Variants in ATF3 observed in about 807,000 individuals in gnomAD.
ATF3 encodes cyclic AMP-dependent transcription factor ATF-3.
Under a neutral mutation model 18.4 loss-of-function variants are expected in ATF3, and 10 were observed. The ratio of observed to expected loss-of-function variants is 0.54; its 90% CI spans 0.34 to 0.92. The LOEUF is 0.92. Among genes scored for constraint, ATF3 ranks in the 40% least tolerant of loss-of-function variants. The probability of loss-of-function intolerance (pLI) is 0.02; values close to 1 mark genes in which losing one functional copy is unlikely to be tolerated. For synonymous variants in ATF3, 78 were observed against 87.9 expected (o/e 0.89, Z 0.63); for missense variants, 183 against 222.3 (o/e 0.82, Z 1.12).
At chr1:212,584,627 G>A (rs1664745252) in intron 1 of ATF3, among the ~76,000 whole-genome samples, 1 of 152,188 alleles carries the variant, frequency 6.6e-6, no homozygotes, top group East Asian at 1.9e-4. Flanking sequence ...TGATCCATCA[G>A]TTTAAATGCT....
chr1:212,572,535 C>G lies in ATF3; in HGVS notation c.-5+7052C>G, dbSNP rs535122319. Among the ~76,000 whole-genome samples the G allele has an allele frequency of 1.5e-4, 23 of 152,126 alleles. No individual in the cohort carries two copies. In the East Asian group the frequency reaches 4.4e-3, roughly 29 times the overall value. ...ATTCAGTCTCAAAAACCAAACAAAACAAAAAACATTTTATTTGCTGTTCAT... is the reference window on the plus strand; with the variant it reads ...ATTCAGTCTCAAAAACCAAACAAAAGAAAAAACATTTTATTTGCTGTTCAT... On this transcript the variant is annotated intron_variant, in intron 1 of 3. Transcript: ENST00000366981.
chr1:212,585,704 A>G (rs187392815), intron 1 of ATF3, among the ~76,000 whole-genome samples: 5 of 152,226 alleles, frequency 3.3e-5, no homozygotes, highest in Non-Finnish European at 7.4e-5. Flanking sequence ...CTTCAGATAA[A>G]CTCAGCCAAA....
intron 1 of ATF3, among the ~76,000 whole-genome samples, chr1:212,597,320 C>T (rs1654312903): frequency 6.6e-6 from 1 of 152,108 alleles, no homozygotes; most frequent in Non-Finnish European, 1.5e-5. Context: ...CGCTTATAAT[C>T]ACAAAATTGA....
At chr1:212,616,956 C>T (rs967920933) in intron 2 of ATF3, among the ~76,000 whole-genome samples, 1 of 152,014 alleles carries the variant, frequency 6.6e-6, no homozygotes, top group Non-Finnish European at 1.5e-5. Flanking sequence ...ATTCTGCAGA[C>T]CCCTGTGGAG....
chr1:212,617,136 C>G (rs1655162076), intron 2 of ATF3, among the ~76,000 whole-genome samples: 1 of 152,184 alleles, frequency 6.6e-6, no homozygotes, highest in African/African-American at 2.4e-5. Context: ...GTGGTGGTCC[C>G]TGTTTTTATC....
At chr1:212,603,776 A>G (rs34975457), upstream of ATF3, among the ~76,000 whole-genome samples, 6,439 of 149,568 alleles carry the variant, frequency 0.043, 461 homozygotes, top group Admixed American at 0.2. Flanking sequence ...GTGTATATAT[A>G]TGTGTGTGTG....
chr1:212,600,996 T>C (rs1309502258), intron 1 of ATF3, among the ~76,000 whole-genome samples: 1 of 152,224 alleles, frequency 6.6e-6, no homozygotes, highest in Non-Finnish European at 1.5e-5. Context: ...GCTCTTATAT[T>C]GTCCTTGTAA....
intron 1 of ATF3, among the ~76,000 whole-genome samples, chr1:212,572,296 C>T (rs2102620700): frequency 6.6e-6 from 1 of 152,020 alleles, no homozygotes; most frequent in Middle Eastern, 3.4e-3. Flanking sequence ...GCGGGCGGAT[C>T]CCCTGAGGTA....
intron 1 of ATF3, among the ~76,000 whole-genome samples, chr1:212,588,207 C>T (rs1356340933): frequency 1.3e-5 from 2 of 152,186 alleles, no homozygotes; most frequent in African/African-American, 2.4e-5. Context: ...AGGAGACTCC[C>T]GGCAGGGTGT....
At chr1:212,590,868 G>A (rs1256602590) in intron 1 of ATF3, among the ~76,000 whole-genome samples, 1 of 152,196 alleles carries the variant, frequency 6.6e-6, no homozygotes, top group East Asian at 1.9e-4. Flanking sequence ...TTACTATAAG[G>A]TAAGGGCGCC....
At chr1:212,578,622 G>T (rs1279365198) in intron 1 of ATF3, among the ~76,000 whole-genome samples, 1 of 152,084 alleles carries the variant, frequency 6.6e-6, no homozygotes, top group Admixed American at 6.5e-5. Flanking sequence ...CTTTAACCGG[G>T]AGTAGAATCT....
chr1:212,575,021 C>T (rs1036481320), intron 1 of ATF3, among the ~76,000 whole-genome samples: 8 of 152,098 alleles, frequency 5.3e-5, no homozygotes, highest in African/African-American at 1.7e-4. Flanking sequence ...CACACACACA[C>T]GCATTTTGAA....
intron 1 of ATF3, among the ~76,000 whole-genome samples, chr1:212,568,355 C>T (rs1664419994): frequency 6.6e-6 from 1 of 152,160 alleles, no homozygotes; most frequent in African/African-American, 2.4e-5. Flanking sequence ...TAATGACCAA[C>T]ACAATTTTAT....
At chr1:212,617,950 T>C (rs1330352957) in intron 2 of ATF3, among the ~76,000 whole-genome samples, 177 bp from the exon 3 acceptor site, 4 of 149,576 alleles carry the variant, frequency 2.7e-5, no homozygotes, top group East Asian at 1.9e-4. Flanking sequence ...TGTGTGCGTG[T>C]GTGTGTGTGT....
rs1221526694 is a variant in ATF3, at chr1:212,619,594, A to C, written c.*39A>C. On this transcript the variant is annotated 3_prime_UTR_variant, in exon 4 of 4. Transcript: ENST00000341491. This position sits in a 1 kb window ranked among gnomAD's most constrained non-coding sequence, Gnocchi z 4.4. ...GGGGGCGACTGGGGAGTCCTCATTG[A>C]ATCCTCATTTTATACCCAAAACCCT... is the stretch of plus-strand genomic sequence containing the variant. 1.2e-6 allele frequency: 2 copies of C among 1,609,852 alleles called. No homozygotes were observed.
intron 1 of ATF3, among the ~76,000 whole-genome samples, chr1:212,612,117 C>T (rs1413543874): frequency 6.6e-6 from 1 of 152,058 alleles, no homozygotes; most frequent in African/African-American, 2.4e-5. Context: ...AGCCTAGTGC[C>T]GAGAAAACCC....
intron 1 of ATF3, among the ~76,000 whole-genome samples, chr1:212,611,042 T>A (rs1654873978): frequency 6.6e-6 from 1 of 152,218 alleles, no homozygotes; most frequent in South Asian, 2.1e-4. Context: ...TAAAATTGGC[T>A]GGGCATGGGA....
At chr1:212,567,901 C>T (rs1268876861) in intron 1 of ATF3, among the ~76,000 whole-genome samples, 2 of 152,188 alleles carry the variant, frequency 1.3e-5, no homozygotes, top group African/African-American at 4.8e-5. Context: ...GGGCTCCAGT[C>T]CTGTTCCAGA....
chr1:212,581,428 T>G (rs1664682850), intron 1 of ATF3, among the ~76,000 whole-genome samples: 1 of 152,216 alleles, frequency 6.6e-6, no homozygotes, highest in Admixed American at 6.5e-5. Context: ...AGCAGTGCCC[T>G]GAGTGAACTG....
Sources: allele counts gnomAD v4.1 joint callset (sites outside exome capture counted in the v4.1 genomes callset), GRCh38; gene constraint gnomAD v4.1.1; non-coding constraint Gnocchi (gnomAD v3.1); transcripts MANE v1.5; gene names NCBI Gene and HGNC (gene_info 2026-07-23, HGNC 2026-07-21).